BRD1: variants seen among roughly 807,000 people sequenced by gnomAD.
The protein encoded by BRD1 is bromodomain containing 1.
BRD1 carries 24 observed loss-of-function variants against 107.7 expected under a neutral mutation model. The observed-to-expected ratio is 0.22, with a 90% CI of 0.16 to 0.31. BRD1 has a LOEUF of 0.31. Among genes scored for constraint, BRD1 ranks in the 10% least tolerant of loss-of-function variants. The probability of loss-of-function intolerance (pLI) is 1.00; values close to 1 mark genes in which losing one functional copy is unlikely to be tolerated. For missense variants in BRD1, 1,279 were observed against 1,638.6 expected (o/e 0.78, Z 3.79); for synonymous variants, 744 against 686.1 (o/e 1.08, Z -1.32).
At position 49,797,952 on chromosome 22, in the gene BRD1, C is replaced by T. The variant is rs765976359; in HGVS notation, c.1951G>A (p.Ala651Thr). 2 of 1,614,208 alleles carry T rather than the reference C, an allele frequency of 1.2e-6. No individual in the cohort carries two copies. The highest frequency in any genetic ancestry group is 1.7e-6 in the Non-Finnish European group (2 of 1,180,032). Residue 651 changes from alanine to threonine, a missense_variant, in exon 6 of 13, where the codon GCC (alanine) becomes ACC (threonine). By Grantham distance (58) the Ala-to-Thr change is moderately conservative. Transcript: ENST00000404760. ...CCCTGATCGCGCAGCCTCACCGCGG[C>T]TCTATAGAACACGGTGTCCCTGGCA... ...YNARDTVFYRAAVRLRDQGGV... is the reference protein window; with the variant it reads ...YNARDTVFYRTAVRLRDQGGV...
At chr22:49,793,169 C>T (rs963891975) in intron 7 of BRD1, among the ~76,000 whole-genome samples, 3 of 152,164 alleles carry the variant, frequency 2.0e-5, no homozygotes, top group Admixed American at 1.3e-4. Flanking sequence ...CAGAGACACA[C>T]GGCAAAACAC....
At position 49,774,149 on chromosome 22, in the gene BRD1, CAG is replaced by C; in HGVS notation, c.*82_*83del. The C allele has an allele frequency of 7.0e-7, 1 of 1,437,916 alleles. No homozygotes were observed. Among genetic ancestry groups the C allele is most frequent in the African/African-American group, 1.4e-5 (1 of 69,262 alleles). 89.1% of individuals were successfully genotyped at this position (1,437,916 alleles called of 1,614,324 possible). ...GAATTAAAGAGCTATAACTAAAAAT[CAG>C]AATAAGTTAAGTTTTGAACAATATA... On this transcript the variant is annotated 3_prime_UTR_variant, in exon 13 of 13. Coordinates refer to ENST00000404760, the MANE Select transcript of BRD1 (RefSeq NM_001304808.3).
At chr22:49,774,542 C>T in intron 12 of BRD1, 126 bp from the exon 13 acceptor site, 1 of 1,069,402 alleles carries the variant, frequency 9.4e-7, no homozygotes, top group Non-Finnish European at 1.3e-6. Flanking sequence ...ACCACCAAGA[C>T]AGCTGGGCCC....
rs1343081712 is a variant in BRD1, at chr22:49,776,067, G to T, written c.3214C>A (p.Pro1072Thr). Residue 1072 changes from proline to threonine, a missense_variant, in exon 11 of 13, where the codon CCC becomes ACC. By Grantham distance (38) the Pro-to-Thr change is conservative. This residue lies in a region of BRD1 where 136 missense variants were observed against 196.8 expected (regional missense o/e 0.69). Transcript: ENST00000404760. The part of the protein sequence containing the change: ...KVVWAKCSGY[P>T]SYPALIIDPK... ...GTACTCACCAGTGCCGGGTAGGAGG[G>T]GTAGCCGCTGCACTTGGCCCACACC... The T allele has an allele frequency of 1.3e-6, 2 of 1,585,830 alleles. No homozygotes were observed. The highest frequency in any genetic ancestry group is 1.7e-6 in the Non-Finnish European group (2 of 1,172,962).
Position 49,798,624 on chromosome 22 carries a change from T to C in BRD1, c.1719A>G (p.Ser573=), listed in dbSNP as rs904464924. ...CCTTGTCTTGCAGCTGGTCCAGCAC[T>C]GAGCGCAGCAGCACCGTCAGCGGGG... The part of the protein sequence containing the change: ...RLTPLTVLLR[S]VLDQLQDKDP... Residue 573 remains serine, a synonymous_variant, in exon 5 of 13, where the codon TCA becomes TCG. Transcript: ENST00000404760. 3.1e-6 allele frequency: 5 copies of C among 1,613,912 alleles called. No homozygotes were observed. The African/African-American group carries it at 6.7e-5, about 22-fold the overall frequency.
intron 2 of BRD1, among the ~76,000 whole-genome samples, chr22:49,819,598 G>A (rs1030182954): frequency 7.9e-5 from 12 of 151,842 alleles, no homozygotes; most frequent in East Asian, 5.9e-4. Context: ...TTACAGGCGC[G>A]CACCACCACG....
chr22:49,810,661 G>T (rs959141753), intron 2 of BRD1, among the ~76,000 whole-genome samples: 2 of 152,172 alleles, frequency 1.3e-5, no homozygotes, highest in Non-Finnish European at 2.9e-5. Context: ...ACATGGCAAA[G>T]ATCTGAACAG....
chr22:49,803,931 G>A lies in BRD1; in HGVS notation c.1524+273C>T, dbSNP rs1024849594. On this transcript the variant is annotated intron_variant, in intron 3 of 12. Transcript: ENST00000404760. This position sits in a 1 kb window ranked among gnomAD's most constrained non-coding sequence, Gnocchi z 4.4. ...CCAGAGCTGGCCACTGCCCATCAGC[G>A]TGTGTGCGGGCAGGGCAGGGCGGGG... Among the ~76,000 whole-genome samples, 23 of 152,232 alleles carry A rather than the reference G, an allele frequency of 1.5e-4. No individual in the cohort carries two copies. The highest frequency in any genetic ancestry group is 4.3e-4 in the African/African-American group (18 of 41,444).
chr22:49,780,196 T>C (rs1170587164), intron 8 of BRD1, among the ~76,000 whole-genome samples: 5 of 151,996 alleles, frequency 3.3e-5, no homozygotes, highest in East Asian at 1.9e-4. Flanking sequence ...AGCCAAGCCA[T>C]GCACAGACCA....
intron 10 of BRD1, among the ~76,000 whole-genome samples, chr22:49,776,473 C>A (rs762711616): frequency 2.0e-5 from 3 of 152,226 alleles, no homozygotes; most frequent in Non-Finnish European, 4.4e-5. Context: ...AAGGACGGGG[C>A]TCCCAGCATG....
chr22:49,827,539 C>G lies in BRD1; in HGVS notation c.-57G>C, dbSNP rs2147463393. On this transcript the variant is annotated 5_prime_UTR_variant, in exon 1 of 13. Coordinates refer to ENST00000404760, the MANE Select transcript of BRD1 (RefSeq NM_001304808.3). Reference sequence around the variant, plus strand: ...CGCGGGAGCCCGGCAAGCGGGCGGGCGCGGGGGCCGGCGCGGCCGAGGCGG... The same window carrying G: ...CGCGGGAGCCCGGCAAGCGGGCGGGGGCGGGGGCCGGCGCGGCCGAGGCGG... 7.0e-6 allele frequency: 1 copy of G among 143,698 alleles called. No homozygotes were observed. The highest frequency in any genetic ancestry group is 6.8e-5 in the Admixed American group (1 of 14,616). The allele number at this position is 143,698 out of a possible 1,614,324, so 8.9% of individuals were successfully genotyped here.
In BRD1 at chr22:49,809,523, G is replaced by A. The variant is rs142370313; in HGVS notation, c.1368-5163C>T. Among the ~76,000 whole-genome samples the A allele has an allele frequency of 7.3e-3, 1,100 of 150,500 alleles. 13 individuals carry two copies. Among genetic ancestry groups the A allele is most frequent in the African/African-American group, 0.026 (1,048 of 41,008 alleles). ...GCCACTGCACTCCAGCCTGGGTGACGGAATGAGACTTCGTCTCCAAAAAAA... is the reference window on the plus strand; with the variant it reads ...GCCACTGCACTCCAGCCTGGGTGACAGAATGAGACTTCGTCTCCAAAAAAA... On this transcript the variant is annotated intron_variant, in intron 2 of 12. Transcript: ENST00000404760.
intron 2 of BRD1, among the ~76,000 whole-genome samples, chr22:49,820,190 C>G (rs1266672097): frequency 6.6e-6 from 1 of 152,092 alleles, no homozygotes; most frequent in East Asian, 1.9e-4. Context: ...TTTTTTAAAC[C>G]ACTAGAATTA....
At chr22:49,780,613 G>C (rs1243607518) in intron 8 of BRD1, among the ~76,000 whole-genome samples, 1 of 152,212 alleles carries the variant, frequency 6.6e-6, no homozygotes, top group Non-Finnish European at 1.5e-5. Context: ...GGAGTCCCCA[G>C]AACCTCGGGG....
rs1483560779 is a variant in BRD1, at chr22:49,774,386, G to T, written c.3417C>A (p.Pro1139=). 1 of 1,612,144 alleles carries T rather than the reference G, an allele frequency of 6.2e-7. No homozygotes were observed. The highest frequency in any genetic ancestry group is 1.7e-5 in the Admixed American group (1 of 59,658). ...TGTCTATAGTTTCGTCAATACCAAG[G>T]GGAACCATTTTGGACTTAGGAAGCC... ...WQWLPKSKMV[P]LGIDETIDKL... The change falls in exon 13 of 13, where the codon CCC becomes CCA. Residue 1139 remains proline (P), a synonymous_variant. Coordinates refer to ENST00000404760, the MANE Select transcript of BRD1 (RefSeq NM_001304808.3).
intron 6 of BRD1, among the ~76,000 whole-genome samples, chr22:49,796,459 C>G (rs766680271): frequency 6.6e-6 from 1 of 152,030 alleles, no homozygotes; most frequent in Middle Eastern, 3.2e-3. Flanking sequence ...CAGGTTCAAG[C>G]GATTCTCCTG....
chr22:49,787,823 A>T lies in BRD1; in HGVS notation c.2424T>A (p.Thr808=). Residue 808 remains threonine, a synonymous_variant, in exon 8 of 13, where the codon ACT becomes ACA. Transcript: ENST00000404760. The stretch of plus-strand genomic sequence containing the variant: ...GTTTGAGGGTTGGTGGTTCTGAATT[A>T]GTCTCCGAGTTTGAAGGAAGAGGTA... ...DALPLPSNSE[T]NSEPPTLKPV... 1.3e-6 allele frequency: 2 copies of T among 1,550,708 alleles called. No homozygotes were observed. The highest frequency in any genetic ancestry group is 1.7e-6 in the Non-Finnish European group (2 of 1,146,916).
rs766138154 is a variant in BRD1, at chr22:49,823,433, G to A, written c.885C>T (p.Ala295=). 1 of 1,611,986 alleles carries A rather than the reference G, an allele frequency of 6.2e-7. No homozygotes were observed. The highest frequency in any genetic ancestry group is 1.1e-5 in the South Asian group (1 of 91,086). ...DDDRWGHVVC[A]LWIPEVGFAN... ...CAAAGCCGACCTCTGGGATCCACAG[G>A]GCACACACCACGTGACCCCAGCGGT... The change falls in exon 2 of 13, where the codon GCC becomes GCT. Residue 295 remains alanine (A), a synonymous_variant. Coordinates refer to ENST00000404760, the MANE Select transcript of BRD1 (RefSeq NM_001304808.3).
rs367964777 is a variant in BRD1 at position 49,824,368 on chromosome 22, G to C, written c.-14-37C>G. ...GCAAAAGTAAAGGTAATTCTACGCA[G>C]GGTGACCAAAGACTCGAGAAAACCA... On this transcript the variant is annotated intron_variant, in intron 1 of 12. Coordinates refer to ENST00000404760, the MANE Select transcript of BRD1 (RefSeq NM_001304808.3). This position sits in a 1 kb window ranked among gnomAD's most constrained non-coding sequence, Gnocchi z 5.9. 18 of 1,596,992 alleles carry C rather than the reference G, an allele frequency of 1.1e-5. No homozygotes were observed. The highest frequency in any genetic ancestry group is 1.5e-5 in the Non-Finnish European group (18 of 1,171,262).
Sources: gnomAD v4.1 joint callset for allele counts (sites outside exome capture counted in the v4.1 genomes callset) on GRCh38, gnomAD v4.1.1 for gene constraint, gnomAD v4.1.1 regional missense constraint, Gnocchi (gnomAD v3.1) non-coding constraint, MANE v1.5 for transcripts, NCBI Gene and HGNC (gene_info 2026-07-23, HGNC 2026-07-21) for gene names.